STXBP5L: variants seen among roughly 807,000 people sequenced by gnomAD.
The protein encoded by STXBP5L is syntaxin binding protein 5L.
Under a neutral mutation model 144.5 loss-of-function variants are expected in STXBP5L, and 65 were observed. The observed-to-expected ratio is 0.45, with a 90% CI of 0.37 to 0.55. STXBP5L has a LOEUF of 0.55. Ranked by LOEUF, STXBP5L falls within the 20% of genes least tolerant of loss-of-function variation. The probability of loss-of-function intolerance (pLI) is 0.00; values close to 1 mark genes in which losing one functional copy is unlikely to be tolerated. For missense variants in STXBP5L, 1,298 were observed against 1,405.5 expected (o/e 0.92, Z 1.22); for synonymous variants, 505 against 469.6 (o/e 1.08, Z -0.97).
intron 5 of STXBP5L, among the ~76,000 whole-genome samples, chr3:121,092,232 T>G (rs967466945): frequency 1.3e-5 from 2 of 152,006 alleles, no homozygotes; most frequent in Non-Finnish European, 2.9e-5. Flanking sequence ...TCTTTTGGCT[T>G]AGGACTGACT....
At chr3:121,212,708 C>A (rs1164042785) in intron 10 of STXBP5L, among the ~76,000 whole-genome samples, 1 of 151,962 alleles carries the variant, frequency 6.6e-6, no homozygotes, top group Non-Finnish European at 1.5e-5. Flanking sequence ...CTCTTTTTTG[C>A]TTCCATATGA....
At chr3:120,970,775 C>T (rs780781913) in intron 3 of STXBP5L, among the ~76,000 whole-genome samples, 4 of 152,014 alleles carry the variant, frequency 2.6e-5, no homozygotes, top group Non-Finnish European at 5.9e-5. Context: ...TCTTTTTCTT[C>T]GTGTCTCCTG....
chr3:121,169,306 G>A (rs559858458), intron 9 of STXBP5L, among the ~76,000 whole-genome samples: 23 of 152,158 alleles, frequency 1.5e-4, no homozygotes, highest in Non-Finnish European at 2.6e-4. Context: ...AACAGCCAGC[G>A]TCATAAAGAC....
intron 9 of STXBP5L, among the ~76,000 whole-genome samples, chr3:121,168,771 G>T (rs1467052560): frequency 6.6e-6 from 1 of 152,132 alleles, no homozygotes; most frequent in Admixed American, 6.5e-5. Flanking sequence ...CACTCTTCAG[G>T]ATATTATCCA....
intron 9 of STXBP5L, among the ~76,000 whole-genome samples, chr3:121,187,283 G>C (rs2047427485): frequency 6.6e-6 from 1 of 151,898 alleles, no homozygotes; most frequent in South Asian, 2.1e-4. Context: ...CCATCATTCT[G>C]AGCAAACTAT....
At chr3:121,403,547 C>T (rs1301713083) in intron 22 of STXBP5L, among the ~76,000 whole-genome samples, 1 of 151,926 alleles carries the variant, frequency 6.6e-6, no homozygotes, top group Non-Finnish European at 1.5e-5. Flanking sequence ...AAAAGAGAAA[C>T]AATGGGTTCT....
At chr3:121,345,794 G>T (rs981951600) in intron 20 of STXBP5L, among the ~76,000 whole-genome samples, 11 of 151,952 alleles carry the variant, frequency 7.2e-5, no homozygotes, top group Non-Finnish European at 1.6e-4. Context: ...TCTGTTGGCT[G>T]CATAGAAGTC....
intron 3 of STXBP5L, among the ~76,000 whole-genome samples, chr3:121,007,317 C>G (rs1480856627): frequency 6.6e-6 from 1 of 151,772 alleles, no homozygotes; most frequent in African/African-American, 2.4e-5. Flanking sequence ...TTTCTTGTTT[C>G]TAAAGAATAT....
intron 3 of STXBP5L, among the ~76,000 whole-genome samples, chr3:120,977,955 T>C (rs1220665888): frequency 6.6e-6 from 1 of 152,254 alleles, no homozygotes; most frequent in African/African-American, 2.4e-5. Context: ...TAACCCGACC[T>C]TTGTCTCTGG....
At chr3:121,370,245 G>A (rs2045991364) in intron 20 of STXBP5L, among the ~76,000 whole-genome samples, 1 of 152,162 alleles carries the variant, frequency 6.6e-6, no homozygotes, top group African/African-American at 2.4e-5. Flanking sequence ...GCAGGCACCT[G>A]TAATCCCAGC....
intron 2 of STXBP5L, among the ~76,000 whole-genome samples, chr3:120,950,702 T>G (rs916033040): frequency 1.3e-5 from 2 of 152,066 alleles, no homozygotes; most frequent in African/African-American, 4.8e-5. Flanking sequence ...GTAGGAAGAA[T>G]CAATATCGTG....
At chr3:121,113,427 G>A (rs1333309467) in intron 5 of STXBP5L, among the ~76,000 whole-genome samples, 5 of 152,020 alleles carry the variant, frequency 3.3e-5, no homozygotes, top group Non-Finnish European at 5.9e-5. Flanking sequence ...CTTGGCAACA[G>A]CAATTCTAGA....
intron 4 of STXBP5L, among the ~76,000 whole-genome samples, chr3:121,042,122 A>G (rs1947200436): frequency 6.6e-6 from 1 of 152,082 alleles, no homozygotes; most frequent in Non-Finnish European, 1.5e-5. Context: ...AAATTTTGTA[A>G]TTAAGGCCTA....
At chr3:120,921,385 C>CAA (rs1204658229) in intron 2 of STXBP5L, among the ~76,000 whole-genome samples, 5 of 152,078 alleles carry the variant, frequency 3.3e-5, no homozygotes, top group African/African-American at 1.2e-4. Context: ...CACCCCTTGT[C>CAA]AGATGAATAG....
chr3:121,196,429 G>C (rs114704750), intron 9 of STXBP5L, among the ~76,000 whole-genome samples: 1 of 151,836 alleles, frequency 6.6e-6, no homozygotes, highest in African/African-American at 2.4e-5. Context: ...ATGAGCCACC[G>C]CACCCGGCAA....
chr3:121,370,158 G>A (rs149101624), intron 20 of STXBP5L, among the ~76,000 whole-genome samples: 2,923 of 152,164 alleles, frequency 0.019, 88 homozygotes, highest in African/African-American at 0.066. Flanking sequence ...TTGAGGTCAG[G>A]AGTTCAAGAC....
chr3:121,051,678 T>C (rs1221584335), intron 5 of STXBP5L, among the ~76,000 whole-genome samples: 1 of 151,562 alleles, frequency 6.6e-6, no homozygotes, highest in Non-Finnish European at 1.5e-5. Context: ...TTAATAGAAC[T>C]AGAGAAGCAA....
intron 7 of STXBP5L, among the ~76,000 whole-genome samples, chr3:121,146,487 G>A (rs1442945776): frequency 6.6e-6 from 1 of 152,004 alleles, no homozygotes; most frequent in Non-Finnish European, 1.5e-5. Flanking sequence ...TAAGTAGGTA[G>A]CTTTGTTCTA....
intron 9 of STXBP5L, among the ~76,000 whole-genome samples, chr3:121,181,959 AAG>A (rs1491029945): frequency 6.6e-6 from 1 of 151,860 alleles, no homozygotes; most frequent in Non-Finnish European, 1.5e-5. Flanking sequence ...AAAAAAAAAA[AAG>A]AAGGAAAATA....
Sources: gnomAD v4.1 joint callset for allele counts (sites outside exome capture counted in the v4.1 genomes callset) on GRCh38, gnomAD v4.1.1 for gene constraint, MANE v1.5 for transcripts, NCBI Gene and HGNC (gene_info 2026-07-23, HGNC 2026-07-21) for gene names.